MCF2L2: variants seen among roughly 807,000 people sequenced by gnomAD.
MCF2L2 encodes MCF.2 cell line derived transforming sequence-like 2.
Under a neutral mutation model 150.2 loss-of-function variants are expected in MCF2L2, and 102 were observed. The observed-to-expected ratio is 0.68, with a 90% CI of 0.58 to 0.80. The LOEUF is 0.80. Ranked by LOEUF, MCF2L2 falls within the 30% of genes least tolerant of loss-of-function variation. The pLI is 0.00. For missense variants in MCF2L2, 1,256 were observed against 1,372.8 expected, an observed-to-expected ratio of 0.91 and a Z score of 1.34; for synonymous variants, 465 against 491.3, an observed-to-expected ratio of 0.95 and a Z score of 0.71.
intron 7 of MCF2L2, among the ~76,000 whole-genome samples, chr3:183,313,762 T>C (rs1386079278): frequency 6.6e-6 from 1 of 152,176 alleles, no homozygotes; most frequent in Non-Finnish European, 1.5e-5. Context: ...CATGCTCCCT[T>C]TCGGAGAGTC....
intron 14 of MCF2L2, among the ~76,000 whole-genome samples, chr3:183,288,772 G>A (rs192127702): frequency 2.0e-5 from 3 of 151,996 alleles, no homozygotes; most frequent in South Asian, 2.1e-4. Flanking sequence ...GAACCACCGC[G>A]CCCGGCCTGT....
intron 25 of MCF2L2, among the ~76,000 whole-genome samples, chr3:183,196,106 G>A (rs559860916): frequency 6.6e-6 from 1 of 152,224 alleles, no homozygotes; most frequent in Admixed American, 6.5e-5. Flanking sequence ...AAACCTCAGT[G>A]CCTGCCTCCC....
At position 183,417,735 on chromosome 3, in the gene MCF2L2, G is replaced by A. The variant is rs187010161; in HGVS notation, c.76+10167C>T. 2.7e-3 allele frequency among the ~76,000 whole-genome samples: 405 copies of A among 152,220 alleles called. 1 individual carries two copies. In the Middle Eastern group the frequency reaches 0.031, roughly 12 times the overall value. ...TCACACTGCTATAAAGATACTACCC[G>A]AAACTGGGTAATTTATAAAGGAAAG... On this transcript the variant is annotated intron_variant, in intron 1 of 29. Coordinates refer to ENST00000328913, the MANE Select transcript of MCF2L2 (RefSeq NM_015078.4).
At chr3:183,309,927 CA>C in intron 9 of MCF2L2, 92 bp from the exon 10 acceptor site, 1 of 1,485,928 alleles carries the variant, frequency 6.7e-7, no homozygotes, top group Non-Finnish European at 9.1e-7. Context: ...CTCAAAATTC[CA>C]AAAAGGATTC....
At chr3:183,262,459 A>AT (rs985289938) in intron 15 of MCF2L2, among the ~76,000 whole-genome samples, 3 of 151,882 alleles carry the variant, frequency 2.0e-5, no homozygotes, top group African/African-American at 7.3e-5. Flanking sequence ...AGTAACTTTG[A>AT]TTTTTTAAAA....
chr3:183,257,292 A>T (rs909032265), intron 15 of MCF2L2, among the ~76,000 whole-genome samples: 1 of 151,924 alleles, frequency 6.6e-6, no homozygotes, highest in African/African-American at 2.4e-5. Context: ...GCATTTAAAC[A>T]CTCTCGGCTT....
intron 1 of MCF2L2, among the ~76,000 whole-genome samples, chr3:183,395,287 A>C (rs988050822): frequency 3.9e-5 from 6 of 152,258 alleles, no homozygotes; most frequent in South Asian, 2.1e-4. Context: ...AAAAGATTTA[A>C]GATACAATGT....
At chr3:183,366,665 C>A (rs551802376) in intron 3 of MCF2L2, among the ~76,000 whole-genome samples, 49 of 152,128 alleles carry the variant, frequency 3.2e-4, no homozygotes, top group African/African-American at 1.0e-3. Flanking sequence ...AAATTATTTA[C>A]CATACGTGCT....
intron 25 of MCF2L2, among the ~76,000 whole-genome samples, chr3:183,204,440 T>C (rs1722402030): frequency 6.6e-6 from 1 of 150,940 alleles, no homozygotes; most frequent in Admixed American, 6.7e-5. Flanking sequence ...GAGATACTAG[T>C]ACATGCCCAC....
chr3:183,292,230 C>T (rs750154061), intron 13 of MCF2L2, among the ~76,000 whole-genome samples: 3 of 152,062 alleles, frequency 2.0e-5, no homozygotes, highest in Admixed American at 2.0e-4. Context: ...AAACACCCCA[C>T]AATTTTCATA....
chr3:183,238,242 A>ATTT (rs539424224), intron 15 of MCF2L2, among the ~76,000 whole-genome samples: 1 of 112,796 alleles, frequency 8.9e-6, no homozygotes, highest in South Asian at 2.9e-4. Context: ...TTTTTTTGCG[A>ATTT]TTTTTTTTTT....
intron 15 of MCF2L2, among the ~76,000 whole-genome samples, chr3:183,266,773 T>C (rs933763980): frequency 3.3e-5 from 5 of 152,086 alleles, no homozygotes; most frequent in Non-Finnish European, 5.9e-5. Context: ...ATCTGTTCCT[T>C]AGAGCAGTGT....
intron 14 of MCF2L2, among the ~76,000 whole-genome samples, chr3:183,281,761 T>G (rs1400657989): frequency 6.6e-6 from 1 of 152,006 alleles, no homozygotes; most frequent in Non-Finnish European, 1.5e-5. Flanking sequence ...GAAGCCCCGT[T>G]GGAGGGGAAG....
chr3:183,248,421 C>G (rs1184086914), intron 15 of MCF2L2, among the ~76,000 whole-genome samples: 1 of 152,034 alleles, frequency 6.6e-6, no homozygotes, highest in Admixed American at 6.5e-5. Context: ...AATGTAAACC[C>G]TAGGAAGACT....
chr3:183,219,848 T>C lies in MCF2L2; in HGVS notation c.2370+8A>G. On this transcript the variant is annotated splice_region_variant and intron_variant, in intron 21 of 29. Transcript: ENST00000328913. ...GTTATATAAAATGTAATATTTAATA[T>C]TGAGTACCTTAGCCGAGCCTCCTAG... is the stretch of plus-strand genomic sequence containing the variant. 1.3e-6 allele frequency: 2 copies of C among 1,590,054 alleles called. No individual in the cohort carries two copies. The highest frequency in any genetic ancestry group is 1.7e-6 in the Non-Finnish European group (2 of 1,158,212).
Position 183,428,040 on chromosome 3 carries a change from A to G in MCF2L2, c.-63T>C. 2 of 1,315,604 alleles carry G rather than the reference A, an allele frequency of 1.5e-6. No individual in the cohort carries two copies. The highest frequency in any genetic ancestry group is 2.2e-6 in the Non-Finnish European group (2 of 909,748). The allele number at this position is 1,315,604 out of a possible 1,614,324, so 81.5% of individuals were successfully genotyped here. On this transcript the variant is annotated 5_prime_UTR_variant, in exon 1 of 30. Coordinates refer to ENST00000328913, the MANE Select transcript of MCF2L2 (RefSeq NM_015078.4). This position sits in a 1 kb window ranked among gnomAD's most constrained non-coding sequence, Gnocchi z 5.1. ...AAAACTGTTTCTACCGCTGCGGTGGATGATTTTTTAAAGGCATCTCCGCCC... is the reference window on the plus strand; with the variant it reads ...AAAACTGTTTCTACCGCTGCGGTGGGTGATTTTTTAAAGGCATCTCCGCCC...
chr3:183,219,583 C>A (rs911083878), intron 21 of MCF2L2, among the ~76,000 whole-genome samples: 11 of 150,748 alleles, frequency 7.3e-5, no homozygotes, highest in African/African-American at 2.7e-4. Context: ...TGCACTCCAG[C>A]CTGTGCAATG....
At chr3:183,333,401 TA>T (rs1205885580) in intron 5 of MCF2L2, among the ~76,000 whole-genome samples, 1 of 152,192 alleles carries the variant, frequency 6.6e-6, no homozygotes, top group Non-Finnish European at 1.5e-5. Flanking sequence ...GAACAGATAA[TA>T]TTTATAGATA....
intron 2 of MCF2L2, among the ~76,000 whole-genome samples, chr3:183,383,481 C>T (rs941812959): frequency 1.3e-5 from 2 of 152,066 alleles, no homozygotes; most frequent in South Asian, 4.1e-4. Context: ...GTGATCCGCC[C>T]ACCTCGGCCT....
Sources: gnomAD v4.1 joint callset for allele counts (sites outside exome capture counted in the v4.1 genomes callset) on GRCh38, gnomAD v4.1.1 for gene constraint, Gnocchi (gnomAD v3.1) non-coding constraint, MANE v1.5 for transcripts, NCBI Gene and HGNC (gene_info 2026-07-23, HGNC 2026-07-21) for gene names.